RGS7: variants seen among roughly 807,000 people sequenced by gnomAD.
RGS7 encodes regulator of G-protein signaling 7.
Under a neutral mutation model 81.1 loss-of-function variants are expected in RGS7, and 27 were observed. The ratio of observed to expected loss-of-function variants is 0.33; its 90% CI spans 0.25 to 0.46. The LOEUF (loss-of-function observed/expected upper bound fraction) is 0.46. RGS7 is among the 20% of genes least tolerant of loss of function. RGS7 has a pLI of 1.00. For synonymous variants in RGS7, 208 were observed against 207.7 expected, an observed-to-expected ratio of 1.00 and a Z score of -0.01; for missense variants, 396 against 607.4, an observed-to-expected ratio of 0.65 and a Z score of 3.66.
At chr1:241,203,189 T>C (rs949801816) in intron 2 of RGS7, among the ~76,000 whole-genome samples, 1 of 152,072 alleles carries the variant, frequency 6.6e-6, no homozygotes, top group Non-Finnish European at 1.5e-5. Flanking sequence ...TCGATCACAT[T>C]TGCATTTTTT....
intron 2 of RGS7, among the ~76,000 whole-genome samples, chr1:241,330,842 A>G (rs764246607): frequency 3.9e-5 from 6 of 152,178 alleles, no homozygotes; most frequent in Non-Finnish European, 8.8e-5. Flanking sequence ...TATGTTCACT[A>G]TTTGAGTGAT....
At chr1:241,030,849 G>A (rs2060050856) in intron 3 of RGS7, among the ~76,000 whole-genome samples, 1 of 152,110 alleles carries the variant, frequency 6.6e-6, no homozygotes, top group African/African-American at 2.4e-5. Flanking sequence ...ACAGTCCAAG[G>A]CTGTGATCAG....
At chr1:241,100,156 A>G (rs1437047063) in intron 2 of RGS7, among the ~76,000 whole-genome samples, 2 of 151,312 alleles carry the variant, frequency 1.3e-5, no homozygotes, top group African/African-American at 4.9e-5. Context: ...CGGGCGGATC[A>G]TGAGGTCAGG....
chr1:240,892,640 G>A (rs1012973749), intron 6 of RGS7, among the ~76,000 whole-genome samples: 1 of 152,060 alleles, frequency 6.6e-6, no homozygotes, highest in Non-Finnish European at 1.5e-5. Flanking sequence ...ACCTACTCTT[G>A]TACCAATCAC....
At chr1:240,901,549 G>A (rs990596466) in intron 6 of RGS7, among the ~76,000 whole-genome samples, 3 of 152,178 alleles carry the variant, frequency 2.0e-5, no homozygotes, top group Non-Finnish European at 4.4e-5. Flanking sequence ...TTTATTTATT[G>A]GCTTGGTGAT....
chr1:241,177,598 C>A (rs2071254780), intron 2 of RGS7, among the ~76,000 whole-genome samples: 1 of 152,042 alleles, frequency 6.6e-6, no homozygotes, highest in South Asian at 2.1e-4. Flanking sequence ...GAATGAATAG[C>A]ACAGAAGCAA....
intron 2 of RGS7, among the ~76,000 whole-genome samples, chr1:241,151,728 C>T (rs1040218224): frequency 6.6e-6 from 1 of 152,094 alleles, no homozygotes; most frequent in Non-Finnish European, 1.5e-5. Context: ...AATGAGGTGA[C>T]TCCATTTCCA....
chr1:241,304,762 TAAAGAA>T (rs764747483), intron 2 of RGS7, among the ~76,000 whole-genome samples: 13 of 152,152 alleles, frequency 8.5e-5, no homozygotes, highest in African/African-American at 2.4e-4. Flanking sequence ...GGCTTAAAAA[TAAAGAA>T]AAAGTAAAGA....
chr1:241,214,978 T>C (rs890448297), intron 2 of RGS7, among the ~76,000 whole-genome samples: 15 of 152,210 alleles, frequency 9.9e-5, no homozygotes, highest in Admixed American at 4.6e-4. Context: ...TCATAGTTAA[T>C]TTAGAGTACT....
intron 6 of RGS7, among the ~76,000 whole-genome samples, chr1:240,909,479 C>G (rs757964142): frequency 3.7e-4 from 56 of 152,220 alleles, no homozygotes; most frequent in Admixed American, 2.2e-3. Flanking sequence ...CTATAACTTA[C>G]CTAGAGTAAG....
chr1:240,901,906 T>C (rs1218255115), intron 6 of RGS7, among the ~76,000 whole-genome samples: 1 of 152,264 alleles, frequency 6.6e-6, no homozygotes, highest in Non-Finnish European at 1.5e-5. Context: ...TTTTCTCTGA[T>C]ACACCTAGTA....
At chr1:241,082,824 T>C (rs1273144027) in intron 3 of RGS7, among the ~76,000 whole-genome samples, 1 of 152,228 alleles carries the variant, frequency 6.6e-6, no homozygotes, top group Non-Finnish European at 1.5e-5. Context: ...ATATATCACA[T>C]GTACTGCCAA....
At chr1:240,894,087 G>C (rs1052078266) in intron 6 of RGS7, among the ~76,000 whole-genome samples, 1 of 152,200 alleles carries the variant, frequency 6.6e-6, no homozygotes, top group East Asian at 1.9e-4. Flanking sequence ...TACAAATATA[G>C]GTTACCTGAT....
intron 2 of RGS7, among the ~76,000 whole-genome samples, chr1:241,152,066 T>C (rs1261953016): frequency 1.3e-5 from 2 of 151,814 alleles, no homozygotes; most frequent in African/African-American, 2.4e-5. Flanking sequence ...TTAAGCAGCA[T>C]TCTCAATGCT....
chr1:240,895,280 CTTTCTTTTTTCTTTCTTTT>C (rs371393555), intron 6 of RGS7, among the ~76,000 whole-genome samples: 19,365 of 151,860 alleles, frequency 0.13, 1,332 homozygotes, highest in Middle Eastern at 0.17. Flanking sequence ...TTCTTTCTTT[CTTTCTTTTTTCTTTCTTTT>C]TAGTTATACT....
At chr1:241,143,506 T>A (rs1666998295) in intron 2 of RGS7, among the ~76,000 whole-genome samples, 1 of 152,154 alleles carries the variant, frequency 6.6e-6, no homozygotes, top group African/African-American at 2.4e-5. Flanking sequence ...GGAACTCCTC[T>A]TTTTAAAACC....
chr1:241,251,516 C>CTT (rs201489934), intron 2 of RGS7, among the ~76,000 whole-genome samples: 6 of 149,068 alleles, frequency 4.0e-5, no homozygotes, highest in East Asian at 3.9e-4. Flanking sequence ...TCTTTCTTTT[C>CTT]TTTTTTTTTT....
intron 2 of RGS7, among the ~76,000 whole-genome samples, chr1:241,273,184 C>CCT (rs1553305837): frequency 2.1e-5 from 3 of 144,176 alleles, no homozygotes; most frequent in Admixed American, 7.0e-5. Flanking sequence ...AACCCCCCCC[C>CCT]CCAAAGGATA....
At chr1:241,207,461 C>A (rs1164530329) in intron 2 of RGS7, among the ~76,000 whole-genome samples, 2 of 151,876 alleles carry the variant, frequency 1.3e-5, no homozygotes, top group East Asian at 3.9e-4. Flanking sequence ...TTACTAAACA[C>A]CTATATATTC....
Sources: allele counts gnomAD v4.1 joint callset (sites outside exome capture counted in the v4.1 genomes callset), GRCh38; gene constraint gnomAD v4.1.1; transcripts MANE v1.5; gene names NCBI Gene and HGNC (gene_info 2026-07-23, HGNC 2026-07-21).